COBLL1: variants seen among roughly 807,000 people sequenced by gnomAD.
COBLL1 encodes cordon-bleu WH2 repeat protein like 1.
COBLL1 carries 50 observed loss-of-function variants against 94.8 expected under a neutral mutation model. That is an observed-to-expected ratio of 0.53 (90% CI 0.42 to 0.67). The LOEUF is 0.67. Among genes scored for constraint, COBLL1 ranks in the 30% least tolerant of loss-of-function variants. COBLL1 has a pLI of 0.00. For missense variants in COBLL1, 1,362 were observed against 1,348.7 expected, an observed-to-expected ratio of 1.01 and a Z score of -0.15; for synonymous variants, 448 against 473.8, an observed-to-expected ratio of 0.95 and a Z score of 0.71.
chr2:164,822,259 CATA>C (rs1232770694), intron 2 of COBLL1, among the ~76,000 whole-genome samples: 1 of 152,172 alleles, frequency 6.6e-6, no homozygotes, highest in African/African-American at 2.4e-5. Context: ...TGTCACTGTT[CATA>C]ATAAGTCACA....
chr2:164,724,760 T>C (rs969857245), intron 5 of COBLL1: 1 of 151,930 alleles, frequency 6.6e-6, no homozygotes, highest in Non-Finnish European at 1.5e-5. Flanking sequence ...AAAACCAAAA[T>C]AAATTATGGC....
intron 2 of COBLL1, among the ~76,000 whole-genome samples, chr2:164,793,950 T>C (rs2105303553): frequency 6.6e-6 from 1 of 152,332 alleles, no homozygotes; most frequent in East Asian, 1.9e-4. Flanking sequence ...AAAAGTAATG[T>C]TACAGAAAGT....
downstream of COBLL1, among the ~76,000 whole-genome samples, chr2:164,679,215 T>C (rs1682931223): frequency 6.6e-6 from 1 of 152,158 alleles, no homozygotes; most frequent in Non-Finnish European, 1.5e-5. Flanking sequence ...TAAAGCACCC[T>C]GCCTAGTAAA....
At chr2:164,796,611 AC>A (rs1683469870) in intron 2 of COBLL1, among the ~76,000 whole-genome samples, 1 of 150,914 alleles carries the variant, frequency 6.6e-6, no homozygotes, top group Non-Finnish European at 1.5e-5. Context: ...ATATAAATTT[AC>A]TATAATTAAT....
chr2:164,730,989 T>C (rs1268844888), intron 3 of COBLL1, among the ~76,000 whole-genome samples: 1 of 152,228 alleles, frequency 6.6e-6, no homozygotes, highest in African/African-American at 2.4e-5. Context: ...CTCATAGATC[T>C]AACACTCTAC....
intron 2 of COBLL1, among the ~76,000 whole-genome samples, chr2:164,770,938 C>G (rs1688172508): frequency 6.6e-6 from 1 of 152,048 alleles, no homozygotes; most frequent in South Asian, 2.1e-4. Context: ...CTAATTTACA[C>G]ATTTACTTTT....
intron 11 of COBLL1, 89 bp downstream of exon 11, chr2:164,699,316 A>T: frequency 1.2e-6 from 1 of 830,672 alleles, no homozygotes; most frequent in Non-Finnish European, 2.1e-6. Context: ...ACAGGAGATT[A>T]AATGAGTTAA....
At chr2:164,714,698 C>T (rs1685076996) in intron 7 of COBLL1, among the ~76,000 whole-genome samples, 1 of 152,112 alleles carries the variant, frequency 6.6e-6, no homozygotes, top group Non-Finnish European at 1.5e-5. Flanking sequence ...TCTATCTGCC[C>T]TGGCCTCTGT....
intron 2 of COBLL1, among the ~76,000 whole-genome samples, chr2:164,776,519 T>C (rs355878): frequency 0.23 from 35,478 of 151,990 alleles, 4,798 homozygotes; most frequent in African/African-American, 0.37. Context: ...AGCATACCAA[T>C]TGCTAACCCA....
chr2:164,800,675 G>A (rs355915), intron 2 of COBLL1: 165,664 of 640,948 alleles, frequency 0.26, 22,530 homozygotes, highest in African/African-American at 0.38. Context: ...TGGGTGAATG[G>A]ATAAAGAAAC....
At chr2:164,703,202 A>G in intron 9 of COBLL1, 2 of 1,612,772 alleles carry the variant, frequency 1.2e-6, no homozygotes, top group East Asian at 4.5e-5. Context: ...CTGACTGGAA[A>G]GCCCAGGGTG....
intron 2 of COBLL1, chr2:164,761,384 A>G (rs1687676661): frequency 1.3e-5 from 2 of 151,822 alleles, no homozygotes; most frequent in Middle Eastern, 6.8e-3. Context: ...CTCGAGCCTG[A>G]GTAACAAGAG....
intron 9 of COBLL1, chr2:164,703,733 C>A (rs577986208): frequency 1.9e-5 from 6 of 319,910 alleles, no homozygotes; most frequent in African/African-American, 4.7e-5. Flanking sequence ...TTTATACTTA[C>A]AGAATTATCC....
chr2:164,722,555 T>C (rs10167778), intron 5 of COBLL1, 33 bp from the exon 6 acceptor site: 4 of 1,214,310 alleles, frequency 3.3e-6, no homozygotes, highest in South Asian at 3.3e-5. Context: ...TACTTTTGTA[T>C]GTGAGGTTGA....
rs1156715795 is a variant in COBLL1, at chr2:164,682,717, T to C, written c.*3229A>G. Reference sequence around the variant, plus strand: ...ATTGCCTGCCGTTTTTAAAATAAGGTTCATTTTTATTCATATTAATTCATT... The same window carrying C: ...ATTGCCTGCCGTTTTTAAAATAAGGCTCATTTTTATTCATATTAATTCATT... On this transcript the variant is annotated 3_prime_UTR_variant, in exon 14 of 14. Coordinates refer to ENST00000652658, the MANE Select transcript of COBLL1 (RefSeq NM_001365672.2). The C allele has an allele frequency of 6.6e-6, 1 of 152,084 alleles. No homozygotes were observed. The highest frequency in any genetic ancestry group is 1.5e-5 in the Non-Finnish European group (1 of 67,994). The allele number at this position is 152,084 out of a possible 1,614,324, so 9.4% of individuals were successfully genotyped here. A position where few individuals can be genotyped will look rare whatever the true frequency, so the allele number is the denominator to read the frequency against.
intron 2 of COBLL1, among the ~76,000 whole-genome samples, chr2:164,811,039 A>G (rs920766575): frequency 1.3e-5 from 2 of 151,938 alleles, no homozygotes; most frequent in African/African-American, 4.8e-5. Flanking sequence ...TTCTGATTAC[A>G]GAAGTATTGA....
downstream of COBLL1, among the ~76,000 whole-genome samples, chr2:164,679,779 C>CG (rs1437247966): frequency 9.6e-5 from 7 of 72,628 alleles, no homozygotes; most frequent in African/African-American, 1.1e-4. Flanking sequence ...CTGGGCCTCT[C>CG]GGGGGGTGGG....
chr2:164,818,781 TAC>T (rs61111111), intron 2 of COBLL1, among the ~76,000 whole-genome samples: 1,153 of 104,650 alleles, frequency 0.011, 4 homozygotes, highest in Non-Finnish European at 0.015. Flanking sequence ...TATATATATA[TAC>T]ATATAATTTT....
intron 2 of COBLL1, among the ~76,000 whole-genome samples, chr2:164,806,171 T>G (rs1050802002): frequency 6.6e-6 from 1 of 151,910 alleles, no homozygotes; most frequent in East Asian, 1.9e-4. Flanking sequence ...AAAAAAAAAC[T>G]CCAACGTCAC....
Sources: allele counts gnomAD v4.1 joint callset (sites outside exome capture counted in the v4.1 genomes callset), GRCh38; gene constraint gnomAD v4.1.1; transcripts MANE v1.5; gene names NCBI Gene and HGNC (gene_info 2026-07-23, HGNC 2026-07-21).